CELF2: variants seen among roughly 807,000 people sequenced by gnomAD.
CELF2 encodes the protein CUG triplet repeat RNA-binding protein 2.
In CELF2, 8 loss-of-function variants were observed where a neutral mutation model predicts 62.6. The ratio of observed to expected loss-of-function variants is 0.13; its 90% CI spans 0.07 to 0.23. The LOEUF is 0.23. CELF2 is among the 10% of genes least tolerant of loss of function. The probability of loss-of-function intolerance (pLI) is 1.00; values close to 1 mark genes in which losing one functional copy is unlikely to be tolerated. For synonymous variants in CELF2, 258 were observed against 250.0 expected (o/e 1.03, Z -0.30); for missense variants, 333 against 671.0 (o/e 0.50, Z 5.56).
chr10:10,584,568 C>T, the CELF2 span, among the ~76,000 whole-genome samples: 5 of 152,172 alleles, frequency 3.3e-5, no homozygotes, highest in Admixed American at 6.5e-5. Context: ...ATAGAAGTAC[C>T]GAGTCCTCCT....
chr10:10,564,224 T>C, the CELF2 span, among the ~76,000 whole-genome samples: 1 of 152,192 alleles, frequency 6.6e-6, no homozygotes, highest in African/African-American at 2.4e-5. Flanking sequence ...AAAGCCTCTC[T>C]ATTCATTCGA....
At chr10:11,063,857 A>C (rs777731859) in intron 1 of CELF2, among the ~76,000 whole-genome samples, 1 of 152,196 alleles carries the variant, frequency 6.6e-6, no homozygotes, top group Non-Finnish European at 1.5e-5. Flanking sequence ...TGGACTCTCT[A>C]AAAGGTGACA....
chr10:11,042,728 CT>C (rs1343740203), intron 1 of CELF2, among the ~76,000 whole-genome samples: 20 of 152,278 alleles, frequency 1.3e-4, no homozygotes, highest in Middle Eastern at 6.8e-3. Context: ...AACCATTGAT[CT>C]CTGTTCTGTG....
At chr10:11,312,592 T>G (rs1351836468) in intron 9 of CELF2, among the ~76,000 whole-genome samples, 1 of 151,998 alleles carries the variant, frequency 6.6e-6, no homozygotes, top group African/African-American at 2.4e-5. Context: ...TATGAAAGAG[T>G]AGGAATACTA....
At chr10:10,691,312 C>G in the CELF2 span, among the ~76,000 whole-genome samples, 1 of 150,880 alleles carries the variant, frequency 6.6e-6, no homozygotes, top group East Asian at 2.0e-4. Context: ...CAATTTCATC[C>G]ATGTCCCTAC....
intron 9 of CELF2, among the ~76,000 whole-genome samples, chr10:11,299,868 C>T (rs1565857489): frequency 6.6e-6 from 1 of 152,036 alleles, no homozygotes; most frequent in Non-Finnish European, 1.5e-5. Flanking sequence ...CATCTGGGGC[C>T]AGCTAAAGGG....
chr10:10,554,216 A>T, the CELF2 span, among the ~76,000 whole-genome samples: 14 of 152,166 alleles, frequency 9.2e-5, no homozygotes, highest in Admixed American at 5.9e-4. Flanking sequence ...CATGAATTCC[A>T]TTATCCTCAA....
At chr10:10,629,653 T>C in the CELF2 span, among the ~76,000 whole-genome samples, 1 of 152,040 alleles carries the variant, frequency 6.6e-6, no homozygotes, top group South Asian at 2.1e-4. Context: ...GGAATAACAA[T>C]CTCTCTGACA....
intron 2 of CELF2, among the ~76,000 whole-genome samples, chr10:11,166,303 G>A (rs1160064261): frequency 6.6e-6 from 1 of 152,190 alleles, no homozygotes; most frequent in Non-Finnish European, 1.5e-5. Context: ...AAATGCTTGA[G>A]GGTTACGCCC....
the CELF2 span, among the ~76,000 whole-genome samples, chr10:10,765,658 C>T: frequency 2.0e-5 from 3 of 152,244 alleles, no homozygotes; most frequent in Middle Eastern, 3.4e-3. Flanking sequence ...AGGGAACAAC[C>T]GACTGCAGCT....
At chr10:10,532,283 T>C in the CELF2 span, among the ~76,000 whole-genome samples, 101 of 152,382 alleles carry the variant, frequency 6.6e-4, no homozygotes, top group Non-Finnish European at 1.2e-3. Context: ...AATTAAAATT[T>C]AAGCCACACA....
the CELF2 span, among the ~76,000 whole-genome samples, chr10:10,523,627 G>A: frequency 1.3e-5 from 2 of 152,114 alleles, no homozygotes; most frequent in Non-Finnish European, 2.9e-5. Context: ...AACGGGGCTG[G>A]GGACATCATG....
chr10:10,752,977 G>A, the CELF2 span, among the ~76,000 whole-genome samples: 39 of 152,082 alleles, frequency 2.6e-4, 1 homozygote, highest in East Asian at 4.1e-3. Context: ...ATCACATAAC[G>A]TACTTAAAGA....
chr10:10,789,821 T>G, the CELF2 span, among the ~76,000 whole-genome samples: 1 of 152,172 alleles, frequency 6.6e-6, no homozygotes, highest in Non-Finnish European at 1.5e-5. Flanking sequence ...AGGGTTTTGC[T>G]CTTTAATAGA....
intron 1 of CELF2, among the ~76,000 whole-genome samples, chr10:10,901,882 A>G (rs2062962120): frequency 6.6e-6 from 1 of 152,224 alleles, no homozygotes. Flanking sequence ...TTCAACAATA[A>G]GAAAAGAAGC....
At chr10:11,101,475 A>G (rs941452879) in intron 1 of CELF2, among the ~76,000 whole-genome samples, 1 of 152,224 alleles carries the variant, frequency 6.6e-6, no homozygotes, top group Non-Finnish European at 1.5e-5. Context: ...CTCTCAAGAC[A>G]TAGAGCACCA....
At chr10:11,066,995 A>G (rs769031140) in intron 1 of CELF2, among the ~76,000 whole-genome samples, 2 of 152,186 alleles carry the variant, frequency 1.3e-5, no homozygotes, top group African/African-American at 2.4e-5. Flanking sequence ...ACTCTTGCCT[A>G]CAGGTAGAAA....
Position 11,311,752 on chromosome 10 carries a change from A to G in CELF2, c.977-2387A>G, listed in dbSNP as rs2094572988. ...AAGAGAATGTGGTGAGCTGGAACACAGATTTTGGAGATGATGCCCAACCGA... is the reference window on the plus strand; with the variant it reads ...AAGAGAATGTGGTGAGCTGGAACACGGATTTTGGAGATGATGCCCAACCGA... On this transcript the variant is annotated intron_variant, in intron 9 of 12. Coordinates refer to ENST00000633077, the MANE Select transcript of CELF2 (RefSeq NM_001326342.2). This position sits in a 1 kb window ranked among gnomAD's most constrained non-coding sequence, Gnocchi z 4.7. Among the ~76,000 whole-genome samples the G allele has an allele frequency of 6.6e-6, 1 of 152,222 alleles. No individual in the cohort carries two copies. Among genetic ancestry groups the G allele is most frequent in the Non-Finnish European group, 1.5e-5 (1 of 68,050 alleles).
At chr10:10,481,385 T>C in the CELF2 span, among the ~76,000 whole-genome samples, 1 of 152,228 alleles carries the variant, frequency 6.6e-6, no homozygotes, top group Non-Finnish European at 1.5e-5. Context: ...ATAATAAATA[T>C]TTATTGAATG....
Sources: allele counts gnomAD v4.1 joint callset (sites outside exome capture counted in the v4.1 genomes callset), GRCh38; gene constraint gnomAD v4.1.1; non-coding constraint Gnocchi (gnomAD v3.1); transcripts MANE v1.5; gene names NCBI Gene and HGNC (gene_info 2026-07-23, HGNC 2026-07-21).